FBRS: variants seen among roughly 807,000 people sequenced by gnomAD.
The protein encoded by FBRS is fibrosin.
A neutral mutation model predicts 86.1 loss-of-function variants in FBRS; 15 were observed. The ratio of observed to expected loss-of-function variants is 0.17; its 90% CI spans 0.12 to 0.27. The LOEUF is 0.27. Among genes scored for constraint, FBRS ranks in the 10% least tolerant of loss-of-function variants. The pLI, the probability that FBRS is intolerant of heterozygous loss-of-function variation, is 1.00. For synonymous variants in FBRS, 666 were observed against 575.8 expected (o/e 1.16, Z -2.24); for missense variants, 1,367 against 1,301.6 (o/e 1.05, Z -0.77).
chr16:30,660,156 G>T, intron 1 of FBRS, 107 bp from the exon 2 acceptor site: 1 of 1,412,334 alleles, frequency 7.1e-7, no homozygotes, highest in Non-Finnish European at 9.3e-7. Context: ...TCGTCTCTGG[G>T]GACCCGGTTT....
chr16:30,659,565 AG>A lies in FBRS; in HGVS notation c.52del (p.Glu18SerfsTer120). 1 of 328,836 alleles carries A rather than the reference AG, an allele frequency of 3.0e-6. No homozygotes were observed. Among genetic ancestry groups the A allele is most frequent in the Non-Finnish European group, 5.5e-6 (1 of 183,116 alleles). The allele number at this position is 328,836 out of a possible 1,614,324, so 20.4% of individuals were successfully genotyped here. On this transcript the variant is annotated frameshift_variant, in exon 1 of 18. Transcript: ENST00000356166. LOFTEE classifies it high-confidence loss of function. ...AAAPGPGWAA[E>X]GERRRRRCSR... ...GCCCCGGGTCCGGGCTGGGCAGCAGAGGGGGAGCGCCGACGGCGGCGCTGCT... is the reference window on the plus strand; with the variant it reads ...GCCCCGGGTCCGGGCTGGGCAGCAGAGGGGAGCGCCGACGGCGGCGCTGCT...
intron 4 of FBRS, among the ~76,000 whole-genome samples, chr16:30,661,695 C>T (rs1328255390): frequency 1.3e-5 from 2 of 152,082 alleles, no homozygotes; most frequent in Admixed American, 6.6e-5. Flanking sequence ...GAGCAGAGAC[C>T]GCAGATAGAG....
chr16:30,665,635 C>A lies in FBRS; in HGVS notation c.1705-3C>A. ...GTCTGATCCCTCCACTCCCCTTTCCCAGAGCACGAACCCTGAGCTGCCACC... is the reference window on the plus strand; with the variant it reads ...GTCTGATCCCTCCACTCCCCTTTCCAAGAGCACGAACCCTGAGCTGCCACC... On this transcript the variant is annotated splice_polypyrimidine_tract_variant and splice_region_variant and intron_variant, in intron 10 of 17. Transcript: ENST00000356166. The surrounding 1 kb of genome is among the most constrained non-coding windows in gnomAD (Gnocchi z 4.1). 2 of 1,584,980 alleles carry A rather than the reference C, an allele frequency of 1.3e-6. No homozygotes were observed. The highest frequency in any genetic ancestry group is 1.7e-6 in the Non-Finnish European group (2 of 1,165,886).
At position 30,670,227 on chromosome 16, in the gene FBRS, A is replaced by G. The variant is rs751748984; in HGVS notation, c.*582A>G. 6.6e-6 allele frequency: 3 copies of G among 457,460 alleles called. No homozygotes were observed. Among genetic ancestry groups the G allele is most frequent in the Non-Finnish European group, 1.3e-5 (3 of 226,800 alleles). The allele number at this position is 457,460 out of a possible 1,614,324, so 28.3% of individuals were successfully genotyped here. A position where few individuals can be genotyped will look rare whatever the true frequency, so the allele number is the denominator to read the frequency against. ...TAGCCTCTGGCCTCTCTGTGGGGAAAGGGGACTGCAGGGGGAAGAGCCGGG... is the reference window on the plus strand; with the variant it reads ...TAGCCTCTGGCCTCTCTGTGGGGAAGGGGGACTGCAGGGGGAAGAGCCGGG... On this transcript the variant is annotated 3_prime_UTR_variant, in exon 18 of 18. Coordinates refer to ENST00000356166, the MANE Select transcript of FBRS (RefSeq NM_001105079.3).
chr16:30,659,842 A>AGAG lies in FBRS; in HGVS notation c.344_346dup (p.Glu115dup), dbSNP rs746156246. ...CCGGCTCGGGCAGCCGCGGGGAGGA[A>AGAG]GAGGAGGAGGAGGAGGAGGAGGGGG... On this transcript the variant is annotated inframe_insertion, in exon 1 of 18. Transcript: ENST00000356166. 2.8e-4 allele frequency: 428 copies of AGAG among 1,517,884 alleles called. No individual in the cohort carries two copies. Among genetic ancestry groups the AGAG allele is most frequent in the South Asian group, 7.8e-4 (65 of 82,844 alleles). 94.0% of individuals were successfully genotyped at this position (1,517,884 alleles called of 1,614,324 possible).
chr16:30,667,846 C>G (rs377542005), intron 15 of FBRS: 34 of 453,298 alleles, frequency 7.5e-5, no homozygotes, highest in East Asian at 3.1e-4. Context: ...GCCCTGTCTC[C>G]CAGTAGCCAG....
rs566698054 is a variant in FBRS at position 30,666,705 on chromosome 16, G to A, written c.1803+164G>A. Among the ~76,000 whole-genome samples, 129 of 152,290 alleles carry A rather than the reference G, an allele frequency of 8.5e-4. 1 individual carries two copies. Among genetic ancestry groups the A allele is most frequent in the African/African-American group, 3.0e-3 (126 of 41,558 alleles). On this transcript the variant is annotated intron_variant, in intron 12 of 17. Coordinates refer to ENST00000356166, the MANE Select transcript of FBRS (RefSeq NM_001105079.3). The stretch of plus-strand genomic sequence containing the variant: ...GCTTTCAAGTTGCAGACCTGGGCTC[G>A]GATGGAACTGGCCATGGGACCTTGG...
intron 2 of FBRS, 199 bp downstream of exon 2, chr16:30,660,641 C>T (rs1018444504): frequency 8.2e-6 from 7 of 849,950 alleles, no homozygotes; most frequent in Admixed American, 3.9e-5. Flanking sequence ...TTGCCTGGTT[C>T]TGTGTCTACT....
At position 30,659,864 on chromosome 16, in the gene FBRS, G is replaced by A. The variant is rs1399883895; in HGVS notation, c.346G>A (p.Gly116Arg). 2.6e-6 allele frequency: 4 copies of A among 1,542,244 alleles called. No individual in the cohort carries two copies. In the Admixed American group the frequency reaches 5.9e-5, roughly 23 times the overall value. ...GGAAGAGGAGGAGGAGGAGGAGGAG[G>A]GGGGCGCAGACGACGGCGAAGCCGA... ...GEEEEEEEEE[G>R]GADDGEAEEE... Residue 116 changes from glycine to arginine, a missense_variant, in exon 1 of 18, where the codon GGG becomes AGG. Gly to Arg is a moderately radical substitution (Grantham distance 125). Around this residue, in one of 3 missense-constraint regions of FBRS, gnomAD observed 702 missense variants for 598.7 expected, o/e 1.17. Transcript: ENST00000356166.
chr16:30,659,782 T>G lies in FBRS; in HGVS notation c.264T>G (p.Pro88=), dbSNP rs1205846063. 14 of 1,487,666 alleles carry G rather than the reference T, an allele frequency of 9.4e-6. No individual in the cohort carries two copies. The highest frequency in any genetic ancestry group is 1.2e-5 in the Non-Finnish European group (14 of 1,122,614). 92.2% of individuals were successfully genotyped at this position (1,487,666 alleles called of 1,614,324 possible). A position where few individuals can be genotyped will look rare whatever the true frequency, so the allele number is the denominator to read the frequency against. ...GACGCCGGCGGCCCCGTCCGAGACCTCGACCCCCGCGACCCCGAGCTCGGA... is the reference window on the plus strand; with the variant it reads ...GACGCCGGCGGCCCCGTCCGAGACCGCGACCCCCGCGACCCCGAGCTCGGA... ...GPRRRRPRPR[P]RPPRPRARKR... Residue 88 remains proline, a synonymous_variant, in exon 1 of 18, where the codon CCT becomes CCG. Coordinates refer to ENST00000356166, the MANE Select transcript of FBRS (RefSeq NM_001105079.3).
chr16:30,660,602 G>A (rs1596612883), intron 2 of FBRS, 160 bp downstream of exon 2: 3 of 1,190,270 alleles, frequency 2.5e-6, no homozygotes, highest in Non-Finnish European at 2.1e-6. Flanking sequence ...GTCTGACGAA[G>A]GCCTGTCTAC....
intron 16 of FBRS, 23 bp from the exon 17 acceptor site, chr16:30,668,749 T>C (rs772919466): frequency 6.3e-7 from 1 of 1,590,114 alleles, no homozygotes; most frequent in Non-Finnish European, 8.5e-7. Flanking sequence ...CCCCTGTCAC[T>C]CTCTGCTTCA....
At position 30,669,055 on chromosome 16, in the gene FBRS, C is replaced by T. The variant is rs774722034; in HGVS notation, c.2367-14C>T. Reference sequence around the variant, plus strand: ...CCTGGAGAACTTCATTCTCTCCCCACGCCTGCCCTCCAGGGACCTCCCCTT... The same window carrying T: ...CCTGGAGAACTTCATTCTCTCCCCATGCCTGCCCTCCAGGGACCTCCCCTT... On this transcript the variant is annotated splice_polypyrimidine_tract_variant and intron_variant, in intron 17 of 17. Coordinates refer to ENST00000356166, the MANE Select transcript of FBRS (RefSeq NM_001105079.3). This position sits in a 1 kb window ranked among gnomAD's most constrained non-coding sequence, Gnocchi z 5.9. The T allele has an allele frequency of 3.3e-5, 52 of 1,596,748 alleles. No homozygotes were observed. The highest frequency in any genetic ancestry group is 6.7e-5 in the African/African-American group (5 of 74,330).
At chr16:30,663,299 C>T (rs899478006) in intron 6 of FBRS, among the ~76,000 whole-genome samples, 16 of 152,120 alleles carry the variant, frequency 1.1e-4, no homozygotes, top group African/African-American at 3.9e-4. Flanking sequence ...GATCATAGTA[C>T]TTTCATCTTA....
In FBRS at chr16:30,666,987, G is replaced by A. The variant is rs1294246523; in HGVS notation, c.1872G>A (p.Met624Ile). 6.2e-7 allele frequency: 1 copy of A among 1,608,244 alleles called. No individual in the cohort carries two copies. The highest frequency in any genetic ancestry group is 1.7e-5 in the Admixed American group (1 of 59,026). The change falls in exon 13 of 18, where the codon ATG becomes ATA. Residue 624 changes from methionine to isoleucine, a missense_variant. Physicochemically the swap from Met to Ile is conservative, Grantham distance 10 (BLOSUM62 1). Around this residue, in one of 3 missense-constraint regions of FBRS, gnomAD observed 659 missense variants for 678.8 expected, o/e 0.97. Transcript: ENST00000356166. ...AYMILRHQEKMKGDSHKLDFR... is the reference protein window; with the variant it reads ...AYMILRHQEKIKGDSHKLDFR... The stretch of plus-strand genomic sequence containing the variant: ...TGATCCTGAGACACCAGGAGAAAAT[G>A]AAGGTACTGGGGCCGGAGGGCTGGG...
In FBRS at chr16:30,669,518, C is replaced by T. The variant is rs146279694; in HGVS notation, c.2816C>T (p.Pro939Leu). 16 of 1,613,004 alleles carry T rather than the reference C, an allele frequency of 9.9e-6. No homozygotes were observed. The Admixed American group carries it at 1.7e-4, about 17-fold the overall frequency. Residue 939 changes from proline to leucine, a missense_variant, in exon 18 of 18, where the codon CCG (proline) becomes CTG (leucine). This residue lies in a region of FBRS where 659 missense variants were observed against 678.8 expected (regional missense o/e 0.97). Transcript: ENST00000356166. The surrounding 1 kb of genome is among the most constrained non-coding windows in gnomAD (Gnocchi z 5.9). The part of the protein sequence containing the change: ...LAPPPPPAAA[P>L]GTPHLLSKTP... ...CCTCCACCACCACCTGCTGCGGCCC[C>T]GGGAACCCCTCACCTTCTCAGCAAG...
At position 30,660,432 on chromosome 16, in the gene FBRS, G is replaced by A. The variant is rs1167476445; in HGVS notation, c.629G>A (p.Arg210Lys). Residue 210 changes from arginine to lysine, a missense_variant, in exon 2 of 18, where the codon AGA (arginine) becomes AAA (lysine). Transcript: ENST00000356166. ...DRARKWPNKR[R>K]RKEASSRHSL... ...GCCCGAAAATGGCCCAATAAGCGGA[G>A]AAGAAAAGAGGTGAGGTTGTCCCTT... The A allele has an allele frequency of 2.4e-6, 3 of 1,258,656 alleles. No individual in the cohort carries two copies. The highest frequency in any genetic ancestry group is 3.1e-5 in the East Asian group (1 of 31,790). 78.0% of individuals were successfully genotyped at this position (1,258,656 alleles called of 1,614,324 possible).
chr16:30,668,987 T>TTGC lies in FBRS; in HGVS notation c.2366+8_2366+9insTGC. 1.1e-5 allele frequency: 16 copies of TTGC among 1,480,664 alleles called. No homozygotes were observed. The highest frequency in any genetic ancestry group is 1.4e-5 in the Non-Finnish European group (15 of 1,088,562). The allele number at this position is 1,480,664 out of a possible 1,614,324, so 91.7% of individuals were successfully genotyped here. ...CAAGGAGGAGAAGGACAGGTGTGCC[T>TTGC]CCCACCCACCCTGCCCCTGCCCCAC... On this transcript the variant is annotated intron_variant, in intron 17 of 17. Transcript: ENST00000356166.
Position 30,666,911 on chromosome 16 carries a change from G to A in FBRS, c.1804-8G>A, listed in dbSNP as rs2052528921. On this transcript the variant is annotated splice_region_variant and splice_polypyrimidine_tract_variant and intron_variant, in intron 12 of 17. Transcript: ENST00000356166. ...CCTTTCCCTTTGGTCATCCTTCTGG[G>A]GCGGCAGAAACCAGGGAAGTGGTGT... 1.2e-6 allele frequency: 2 copies of A among 1,611,228 alleles called. No homozygotes were observed. The highest frequency in any genetic ancestry group is 1.7e-5 in the Admixed American group (1 of 59,518).
Sources: allele counts gnomAD v4.1 joint callset (sites outside exome capture counted in the v4.1 genomes callset), GRCh38; gene constraint gnomAD v4.1.1; regional missense constraint gnomAD v4.1.1; non-coding constraint Gnocchi (gnomAD v3.1); transcripts MANE v1.5; gene names NCBI Gene and HGNC (gene_info 2026-07-23, HGNC 2026-07-21).